Variants in ITGA1 observed in about 807,000 individuals in gnomAD.
ITGA1 encodes the protein integrin subunit alpha 1.
A neutral mutation model predicts 145.9 loss-of-function variants in ITGA1; 85 were observed. The observed-to-expected ratio is 0.58, with a 90% CI of 0.49 to 0.70. The LOEUF is 0.70. ITGA1 is among the 30% of genes least tolerant of loss of function. The pLI is 0.00. For missense variants in ITGA1, 1,351 were observed against 1,418.7 expected (o/e 0.95, Z 0.77); for synonymous variants, 520 against 495.3 (o/e 1.05, Z -0.66).
At chr5:52,904,555 A>G (rs1293680020) in intron 11 of ITGA1, 1 of 152,080 alleles carries the variant, frequency 6.6e-6, no homozygotes, top group Non-Finnish European at 1.5e-5. Flanking sequence ...ATGGAAGCTC[A>G]ATTAAAATAG....
intron 8 of ITGA1, 24 bp from the exon 9 acceptor site, chr5:52,893,651 C>A (rs1455942835): frequency 1.3e-6 from 2 of 1,593,210 alleles, no homozygotes; most frequent in African/African-American, 1.3e-5. Context: ...AAAATATATT[C>A]TTGCTGTTTC....
chr5:52,847,925 G>C (rs766547806), intron 1 of ITGA1, among the ~76,000 whole-genome samples: 9 of 152,138 alleles, frequency 5.9e-5, no homozygotes, highest in Non-Finnish European at 1.5e-5. Context: ...CAGTACCAAA[G>C]CAGGAATTTG....
At chr5:52,928,803 C>A (rs928422902) in intron 20 of ITGA1, among the ~76,000 whole-genome samples, 1 of 152,102 alleles carries the variant, frequency 6.6e-6, no homozygotes, top group Non-Finnish European at 1.5e-5. Context: ...AGAAACAGAA[C>A]GAAAAGTTGA....
At position 52,788,047 on chromosome 5, in the gene ITGA1, G is replaced by A; in HGVS notation, c.-307G>A. The stretch of plus-strand genomic sequence containing the variant: ...AGCCTAAACACGGACCCGCGAAGCT[G>A]GCTTTATTTGTCCATGTCTCGGACA... On this transcript the variant is annotated 5_prime_UTR_variant, in exon 1 of 29. Coordinates refer to ENST00000282588, the MANE Select transcript of ITGA1 (RefSeq NM_181501.2). 2.9e-6 allele frequency: 1 copy of A among 349,708 alleles called. No individual in the cohort carries two copies. The highest frequency in any genetic ancestry group is 8.7e-5 in the South Asian group (1 of 11,500). The allele number at this position is 349,708 out of a possible 1,614,324, so 21.7% of individuals were successfully genotyped here.
intron 26 of ITGA1, among the ~76,000 whole-genome samples, chr5:52,941,143 G>A (rs1321556517): frequency 6.6e-6 from 1 of 152,168 alleles, no homozygotes; most frequent in African/African-American, 2.4e-5. Flanking sequence ...GTGTTCCATG[G>A]TGTATATGTA....
At chr5:52,797,866 G>T (rs528129423) in intron 1 of ITGA1, among the ~76,000 whole-genome samples, 2 of 152,282 alleles carry the variant, frequency 1.3e-5, no homozygotes, top group African/African-American at 4.8e-5. Flanking sequence ...TTCAATACGT[G>T]ATAGCTCTTC....
chr5:52,829,611 G>A (rs1749027155), intron 1 of ITGA1, among the ~76,000 whole-genome samples: 1 of 151,940 alleles, frequency 6.6e-6, no homozygotes, highest in Non-Finnish European at 1.5e-5. Context: ...ATATTTATCT[G>A]TTGTGGGTTT....
At chr5:52,904,262 T>C (rs1030328577) in intron 11 of ITGA1, 6 of 152,216 alleles carry the variant, frequency 3.9e-5, no homozygotes, top group Non-Finnish European at 8.8e-5. Context: ...TGTGTACATC[T>C]AGGTGGGCGA....
At chr5:52,949,415 T>C (rs1751184772) in intron 28 of ITGA1, among the ~76,000 whole-genome samples, 2 of 152,340 alleles carry the variant, frequency 1.3e-5, no homozygotes, top group South Asian at 2.1e-4. Context: ...TGTTCTCTCT[T>C]GCTTCCATTC....
rs565592481 is a variant in ITGA1 at position 52,958,468 on chromosome 5, A to G, written c.*6017A>G. On this transcript the variant is annotated 3_prime_UTR_variant, in exon 29 of 29. Coordinates refer to ENST00000282588, the MANE Select transcript of ITGA1 (RefSeq NM_181501.2). ...TAATACACTTTGGATTCAAGTAAAA[A>G]CAATCACTTAATGCAGCAACATCTC... is the stretch of plus-strand genomic sequence containing the variant. 5 of 152,314 alleles carry G rather than the reference A, an allele frequency of 3.3e-5. No homozygotes were observed. Among genetic ancestry groups the G allele is most frequent in the East Asian group, 1.9e-4 (1 of 5,182 alleles). The allele number at this position is 152,314 out of a possible 1,614,324, so 9.4% of individuals were successfully genotyped here.
In ITGA1 at chr5:52,788,230, C is replaced by T. The variant is rs1316319313; in HGVS notation, c.-124C>T. On this transcript the variant is annotated 5_prime_UTR_variant, in exon 1 of 29. Transcript: ENST00000282588. The stretch of plus-strand genomic sequence containing the variant: ...CTCTCCCGCTCCTGGGCGCCGCTGC[C>T]ACTGGGGCAGAGGACTGGGAACCGC... The T allele has an allele frequency of 3.1e-6, 2 of 648,700 alleles. No homozygotes were observed. Among genetic ancestry groups the T allele is most frequent in the African/African-American group, 1.9e-5 (1 of 51,604 alleles). The allele number at this position is 648,700 out of a possible 1,614,324, so 40.2% of individuals were successfully genotyped here.
chr5:52,838,878 C>T (rs1322443872), intron 1 of ITGA1, among the ~76,000 whole-genome samples: 1 of 152,182 alleles, frequency 6.6e-6, no homozygotes, highest in Non-Finnish European at 1.5e-5. Flanking sequence ...AGGCGGATCA[C>T]TCGAGCCCAG....
rs1750077490 is a variant in ITGA1 at position 52,887,793 on chromosome 5, CTT to C, written c.774-19_774-18del. On this transcript the variant is annotated intron_variant, in intron 7 of 28. Transcript: ENST00000282588. Reference sequence around the variant, plus strand: ...GTAAAGTGGTGTCTTATCAACCTCTCTTTTGTTTGTGATTACTTTAGAAAGGA... The same window carrying C: ...GTAAAGTGGTGTCTTATCAACCTCTCTTGTTTGTGATTACTTTAGAAAGGA... The C allele has an allele frequency of 3.7e-6, 6 of 1,601,608 alleles. No individual in the cohort carries two copies. Among genetic ancestry groups the C allele is most frequent in the Non-Finnish European group, 5.1e-6 (6 of 1,172,544 alleles).
intron 26 of ITGA1, among the ~76,000 whole-genome samples, chr5:52,940,200 T>C (rs1751033628): frequency 1.3e-5 from 2 of 152,166 alleles, no homozygotes; most frequent in South Asian, 4.1e-4. Context: ...TTTTTCTTTG[T>C]ACTTTAAGAG....
intron 27 of ITGA1, among the ~76,000 whole-genome samples, chr5:52,945,935 A>C (rs1751127919): frequency 6.6e-6 from 1 of 152,262 alleles, no homozygotes; most frequent in South Asian, 2.1e-4. Flanking sequence ...TGTTCCTTAC[A>C]TAGAATAGCC....
At chr5:52,871,486 A>G (rs1432384491) in intron 6 of ITGA1, among the ~76,000 whole-genome samples, 1 of 152,180 alleles carries the variant, frequency 6.6e-6, no homozygotes, top group Admixed American at 6.5e-5. Context: ...GGTACAATAG[A>G]TATAGATTGA....
At chr5:52,921,593 T>C (rs1750730670) in intron 17 of ITGA1, among the ~76,000 whole-genome samples, 1 of 152,184 alleles carries the variant, frequency 6.6e-6, no homozygotes. Flanking sequence ...AGATATGGCA[T>C]TGTCTCCAAC....
intron 1 of ITGA1, among the ~76,000 whole-genome samples, chr5:52,834,568 G>GAGAAGAAAGAAAGAA (rs1367614947): frequency 2.2e-5 from 3 of 133,432 alleles, no homozygotes; most frequent in African/African-American, 8.1e-5. Context: ...GAGAGAAAGA[G>GAGAAGAAAGAAAGAA]AGAAGAAAGA....
At chr5:52,912,338 A>C (rs1309162047) in intron 14 of ITGA1, among the ~76,000 whole-genome samples, 4 of 145,208 alleles carry the variant, frequency 2.8e-5, no homozygotes, top group Non-Finnish European at 6.0e-5. Flanking sequence ...TATATAGTGT[A>C]TCCAGTATAT....
Sources: gnomAD v4.1 joint callset for allele counts (sites outside exome capture counted in the v4.1 genomes callset) on GRCh38, gnomAD v4.1.1 for gene constraint, MANE v1.5 for transcripts, NCBI Gene and HGNC (gene_info 2026-07-23, HGNC 2026-07-21) for gene names.